Variants in TRDN observed in about 807,000 individuals in gnomAD.
TRDN encodes the protein triadin in skeletal muscle.
A neutral mutation model predicts 149.7 loss-of-function variants in TRDN; 161 were observed. The ratio of observed to expected loss-of-function variants is 1.08; its 90% confidence interval spans 0.95 to 1.23. The LOEUF is 1.23. Ranked by LOEUF, TRDN falls within the 50% of genes most tolerant of loss-of-function variation. The probability of loss-of-function intolerance (pLI) is 0.00; values close to 1 mark genes in which losing one functional copy is unlikely to be tolerated. For synonymous variants in TRDN, 294 were observed against 250.5 expected (o/e 1.17, Z -1.64); for missense variants, 896 against 823.5 (o/e 1.09, Z -1.08).
intron 19 of TRDN, among the ~76,000 whole-genome samples, chr6:123,369,377 T>A (rs1460230786): frequency 2.0e-5 from 3 of 152,074 alleles, no homozygotes; most frequent in Non-Finnish European, 4.4e-5. Flanking sequence ...CTTCAACATA[T>A]CTTTTGGTGG....
In TRDN at chr6:123,453,552, A is replaced by G. The variant is rs9482390; in HGVS notation, c.931+11354T>C. Among the ~76,000 whole-genome samples, 792 of 152,280 alleles carry G rather than the reference A, an allele frequency of 5.2e-3. 6 individuals carry two copies. Among genetic ancestry groups the G allele is most frequent in the African/African-American group, 0.018 (735 of 41,536 alleles). On this transcript the variant is annotated intron_variant, in intron 10 of 40. Transcript: ENST00000334268. ...TCAAGGAAATGCAAATCAAAACCAC[A>G]ATGAAACACCACCTTACTCCTGCAA...
intron 24 of TRDN, among the ~76,000 whole-genome samples, chr6:123,282,927 A>C (rs1777635801): frequency 6.6e-6 from 1 of 151,932 alleles, no homozygotes; most frequent in African/African-American, 2.4e-5. Flanking sequence ...AGACTCATTA[A>C]GTAAGTCCAT....
intron 10 of TRDN, among the ~76,000 whole-genome samples, chr6:123,452,443 T>C (rs932515990): frequency 4.6e-5 from 7 of 151,940 alleles, no homozygotes; most frequent in African/African-American, 1.2e-4. Flanking sequence ...AGTTCTTCTA[T>C]ACATCAGCAA....
At chr6:123,440,879 G>T (rs1422658438) in intron 10 of TRDN, 2 of 152,042 alleles carry the variant, frequency 1.3e-5, no homozygotes, top group African/African-American at 4.8e-5. Context: ...ATTTTATTGT[G>T]GTGATACAGT....
intron 9 of TRDN, among the ~76,000 whole-genome samples, chr6:123,487,816 A>G (rs1778040252): frequency 6.6e-6 from 1 of 152,058 alleles, no homozygotes; most frequent in Non-Finnish European, 1.5e-5. Flanking sequence ...CAATCCCAAT[A>G]TATTTCTCAG....
chr6:123,377,772 A>G lies in TRDN; in HGVS notation c.1220-30T>C, dbSNP rs764020255. On this transcript the variant is annotated intron_variant, in intron 17 of 40. Transcript: ENST00000334268. The stretch of plus-strand genomic sequence containing the variant: ...ATCAAAAAGGAAAGAAAAAAAAATC[A>G]GCATTCTATGTCATTCAATTGTAAT... The G allele has an allele frequency of 3.1e-6, 5 of 1,612,646 alleles. No homozygotes were observed. In the Middle Eastern group the frequency reaches 5.2e-4, roughly 167 times the overall value.
intron 9 of TRDN, among the ~76,000 whole-genome samples, chr6:123,472,888 C>T (rs1327645920): frequency 6.6e-6 from 1 of 152,166 alleles, no homozygotes; most frequent in African/African-American, 2.4e-5. Flanking sequence ...AGGGTCCTGT[C>T]TGTTAGAAGG....
At chr6:123,536,768 C>T (rs1431912343) in intron 4 of TRDN, among the ~76,000 whole-genome samples, 5 of 151,042 alleles carry the variant, frequency 3.3e-5, no homozygotes, top group East Asian at 3.9e-4. Flanking sequence ...AACTGTAGTC[C>T]AGCTACTTGG....
At chr6:123,313,862 T>C (rs1027176732) in intron 24 of TRDN, among the ~76,000 whole-genome samples, 6 of 151,950 alleles carry the variant, frequency 3.9e-5, no homozygotes, top group African/African-American at 1.4e-4. Flanking sequence ...ATGGATTAAA[T>C]ACTTAAATGT....
chr6:123,635,242 A>T (rs1786246058), intron 1 of TRDN, among the ~76,000 whole-genome samples: 1 of 151,948 alleles, frequency 6.6e-6, no homozygotes, highest in Non-Finnish European at 1.5e-5. Context: ...AGGAATAGGA[A>T]AAATGCTATT....
chr6:123,319,841 T>C (rs1275145557), intron 23 of TRDN, among the ~76,000 whole-genome samples: 1 of 152,036 alleles, frequency 6.6e-6, no homozygotes, highest in East Asian at 1.9e-4. Context: ...TTGATTTCAT[T>C]TGTGAAATGT....
At chr6:123,406,443 A>C (rs973400090) in intron 12 of TRDN, among the ~76,000 whole-genome samples, 19 of 152,172 alleles carry the variant, frequency 1.2e-4, no homozygotes, top group Non-Finnish European at 2.5e-4. Flanking sequence ...CTAGCCCAGC[A>C]TGTTGTCAAT....
At chr6:123,327,656 T>C (rs1582877326) in intron 23 of TRDN, among the ~76,000 whole-genome samples, 1 of 152,256 alleles carries the variant, frequency 6.6e-6, no homozygotes, top group East Asian at 1.9e-4. Context: ...TTAGGAATGC[T>C]AAACATTAAT....
At chr6:123,292,613 C>T (rs1241774625) in intron 24 of TRDN, among the ~76,000 whole-genome samples, 1 of 152,022 alleles carries the variant, frequency 6.6e-6, no homozygotes, top group Non-Finnish European at 1.5e-5. Flanking sequence ...AAGAAGAATC[C>T]CCTGAAGATC....
intron 38 of TRDN, 111 bp from the exon 39 acceptor site, chr6:123,224,242 C>G (rs1775271326): frequency 1.0e-6 from 1 of 991,370 alleles, no homozygotes; most frequent in African/African-American, 1.6e-5. Flanking sequence ...AATCTACAAA[C>G]TCAGCATCTA....
chr6:123,351,661 G>A (rs1392970208), intron 21 of TRDN: 1 of 948,984 alleles, frequency 1.1e-6, no homozygotes, highest in African/African-American at 1.8e-5. Context: ...GGATTTTCTT[G>A]ATATATTTAT....
intron 21 of TRDN, chr6:123,351,504 G>C (rs567639120): frequency 3.1e-6 from 3 of 983,228 alleles, no homozygotes; most frequent in East Asian, 2.3e-4. Flanking sequence ...AGAGTCCCCA[G>C]AAGCCAGAAT....
intron 2 of TRDN, among the ~76,000 whole-genome samples, chr6:123,569,858 C>A (rs1240132559): frequency 6.6e-6 from 1 of 152,180 alleles, no homozygotes; most frequent in African/African-American, 2.4e-5. Context: ...GGCCCATGTC[C>A]AACACTGGGG....
rs371170303 is a variant in TRDN at position 123,586,070 on chromosome 6, C to T, written c.23-14938G>A. On this transcript the variant is annotated intron_variant, in intron 1 of 40. Coordinates refer to ENST00000334268, the MANE Select transcript of TRDN (RefSeq NM_006073.4). ...AAAGTGTCTCAGGGTTGCTGCCAAA[C>T]GAGTCATGAACTGGGCTGGGTTTTT... Among the ~76,000 whole-genome samples, 554 of 152,144 alleles carry T rather than the reference C, an allele frequency of 3.6e-3. 1 individual carries two copies. The highest frequency in any genetic ancestry group is 0.012 in the African/African-American group (517 of 41,502).
Sources: gnomAD v4.1 joint callset for allele counts (sites outside exome capture counted in the v4.1 genomes callset) on GRCh38, gnomAD v4.1.1 for gene constraint, MANE v1.5 for transcripts, NCBI Gene and HGNC (gene_info 2026-07-23, HGNC 2026-07-21) for gene names.